COBL: variants seen among roughly 807,000 people sequenced by gnomAD.
The protein encoded by COBL is protein cordon-bleu.
A neutral mutation model predicts 98.8 loss-of-function variants in COBL; 51 were observed. The observed-to-expected ratio is 0.52, with a 90% CI of 0.41 to 0.65. The LOEUF (loss-of-function observed/expected upper bound fraction) is 0.65. COBL is among the 30% of genes least tolerant of loss of function. The pLI, the probability that COBL is intolerant of heterozygous loss-of-function variation, is 0.00. For missense variants in COBL, 1,617 were observed against 1,617.5 expected (o/e 1.00, Z 0.01); for synonymous variants, 634 against 651.7 (o/e 0.97, Z 0.41).
chr7:51,270,377 C>T (rs1798643989), intron 1 of COBL, among the ~76,000 whole-genome samples: 2 of 152,190 alleles, frequency 1.3e-5, no homozygotes, highest in African/African-American at 2.4e-5. Flanking sequence ...CCTGAATTTC[C>T]TCAATATGCT....
chr7:51,058,830 C>T (rs1280098791), intron 7 of COBL, among the ~76,000 whole-genome samples: 1 of 152,244 alleles, frequency 6.6e-6, no homozygotes, highest in Non-Finnish European at 1.5e-5. Flanking sequence ...CATCTGTTTT[C>T]AGCCTACAGG....
intron 2 of COBL, among the ~76,000 whole-genome samples, chr7:51,203,461 C>CAAAAAA (rs1165738166): frequency 2.5e-4 from 3 of 12,050 alleles, no homozygotes; most frequent in African/African-American, 4.6e-4. Context: ...GACTCCGTCT[C>CAAAAAA]AAAAAAAAAA....
chr7:51,140,816 T>C (rs950781843), intron 5 of COBL, among the ~76,000 whole-genome samples: 6 of 152,090 alleles, frequency 3.9e-5, no homozygotes, highest in African/African-American at 1.4e-4. Flanking sequence ...GAACACGTTG[T>C]CTCCCTCGCT....
intron 5 of COBL, among the ~76,000 whole-genome samples, chr7:51,136,862 AGACTGTCTAG>A (rs1799284974): frequency 6.6e-6 from 1 of 152,196 alleles, no homozygotes; most frequent in African/African-American, 2.4e-5. Context: ...TATGCTGTGA[AGACTGTCTAG>A]GACCATCAGT....
chr7:51,048,972 A>C (rs771843511), intron 7 of COBL, among the ~76,000 whole-genome samples: 94 of 152,328 alleles, frequency 6.2e-4, no homozygotes, highest in Non-Finnish European at 8.2e-4. Context: ...TATAAGCACT[A>C]GGCAAAGCTT....
chr7:51,087,836 C>T (rs1794429684), intron 6 of COBL, among the ~76,000 whole-genome samples: 1 of 144,118 alleles, frequency 6.9e-6, no homozygotes, highest in African/African-American at 2.6e-5. Context: ...TTTCCAGCAA[C>T]TTTCTGACAC....
At chr7:51,069,745 A>C (rs1433556637) in intron 7 of COBL, among the ~76,000 whole-genome samples, 2 of 152,250 alleles carry the variant, frequency 1.3e-5, no homozygotes, top group African/African-American at 4.8e-5. Context: ...TTATTCACAC[A>C]AAACATACAA....
intron 1 of COBL, among the ~76,000 whole-genome samples, chr7:51,253,658 T>C (rs1288875930): frequency 1.3e-5 from 2 of 152,278 alleles, no homozygotes; most frequent in Non-Finnish European, 2.9e-5. Context: ...CATTGTATTT[T>C]ATTTTTTGTA....
At chr7:51,102,924 G>C (rs952801627) in intron 6 of COBL, among the ~76,000 whole-genome samples, 4 of 152,188 alleles carry the variant, frequency 2.6e-5, no homozygotes, top group Non-Finnish European at 5.9e-5. Context: ...AATGGGAGTT[G>C]CTGTTGAAGG....
chr7:51,220,167 A>C (rs922618940), intron 1 of COBL, among the ~76,000 whole-genome samples: 4 of 152,172 alleles, frequency 2.6e-5, no homozygotes, highest in Non-Finnish European at 4.4e-5. Flanking sequence ...CACCTTAAAA[A>C]CATGCTTGCT....
chr7:51,184,144 T>C lies in COBL; in HGVS notation c.741A>G (p.Lys247=). 1 of 1,569,240 alleles carries C rather than the reference T, an allele frequency of 6.4e-7. No individual in the cohort carries two copies. Among genetic ancestry groups the C allele is most frequent in the South Asian group, 1.2e-5 (1 of 83,780 alleles). Reference sequence around the variant, plus strand: ...TATTAACTTTGAAAAATCCCAGAAATTTTTTCTTCTCTTTATCTGTCTCAT... The same window carrying C: ...TATTAACTTTGAAAAATCCCAGAAACTTTTTCTTCTCTTTATCTGTCTCAT... ...GNDETDKEKK[K]FLGFFKVNKR... The change falls in exon 5 of 13, where the codon AAA becomes AAG. Residue 247 remains lysine, a synonymous_variant. Coordinates refer to ENST00000265136, the MANE Select transcript of COBL (RefSeq NM_015198.5).
Position 51,029,293 on chromosome 7 carries a change from G to C in COBL, c.1803C>G (p.His601Gln). The change falls in exon 10 of 13, where the codon CAC (histidine) becomes CAG (glutamine). Residue 601 changes from histidine to glutamine, a missense_variant. Transcript: ENST00000265136. ...EKAREEVPAL[H>Q]PASHDVGKGI... is the part of the protein sequence containing the mutation. ...CTTTTCCGACGTCATGGGAAGCGGG[G>C]TGCAGGGCAGGTACTTCCTCCCTTG... is the stretch of plus-strand genomic sequence containing the variant. The C allele has an allele frequency of 6.2e-7, 1 of 1,604,338 alleles. No individual in the cohort carries two copies. The highest frequency in any genetic ancestry group is 8.5e-7 in the Non-Finnish European group (1 of 1,174,442).
chr7:51,096,165 C>A (rs1795254272), intron 6 of COBL, among the ~76,000 whole-genome samples: 1 of 152,070 alleles, frequency 6.6e-6, no homozygotes, highest in African/African-American at 2.4e-5. Context: ...TATCAAATAT[C>A]TTTTCTGACT....
At chr7:51,150,043 A>C (rs986257076) in intron 5 of COBL, among the ~76,000 whole-genome samples, 2 of 152,180 alleles carry the variant, frequency 1.3e-5, no homozygotes, top group African/African-American at 4.8e-5. Context: ...CCAGGCATGC[A>C]TGCACAAGTT....
chr7:51,240,050 T>C (rs1013400858), intron 1 of COBL, among the ~76,000 whole-genome samples: 1 of 152,224 alleles, frequency 6.6e-6, no homozygotes, highest in African/African-American at 2.4e-5. Flanking sequence ...TTTTATATAT[T>C]ACAAAATATT....
At position 51,316,599 on chromosome 7, in the gene COBL, G is replaced by C. The variant is rs1422252021; in HGVS notation, c.35C>G (p.Pro12Arg). 5 of 1,205,424 alleles carry C rather than the reference G, an allele frequency of 4.1e-6. No individual in the cohort carries two copies. The highest frequency in any genetic ancestry group is 3.2e-5 in the African/African-American group (2 of 63,044). 74.7% of individuals were successfully genotyped at this position (1,205,424 alleles called of 1,614,324 possible). A position where few individuals can be genotyped will look rare whatever the true frequency, so the allele number is the denominator to read the frequency against. ...CGACCGCGGGGCCGCTTACCCGGTC[G>C]GGGGCTTGGCCGCCGAGGCGCGCGG... Reference protein sequence around the residue: ...DAPRASAAKPPTGRKMKARAP... With the variant: ...DAPRASAAKPRTGRKMKARAP... The change falls in exon 1 of 13, where the codon CCG (proline) becomes CGG (arginine). Residue 12 changes from proline (P) to arginine (R), a missense_variant. By Grantham distance (103) the Pro-to-Arg change is moderately radical. This residue lies in a region of COBL where 238 missense variants were observed against 215.0 expected (regional missense o/e 1.11). Coordinates refer to ENST00000265136, the MANE Select transcript of COBL (RefSeq NM_015198.5).
chr7:51,230,510 G>A (rs1001191799), intron 1 of COBL, among the ~76,000 whole-genome samples: 6 of 151,954 alleles, frequency 3.9e-5, no homozygotes, highest in Non-Finnish European at 8.8e-5. Context: ...ACTTCCTGCT[G>A]GCCCCTTCCC....
intron 5 of COBL, among the ~76,000 whole-genome samples, chr7:51,168,121 A>C (rs922759306): frequency 6.6e-6 from 1 of 152,214 alleles, no homozygotes; most frequent in Non-Finnish European, 1.5e-5. Context: ...CAAAATGAAG[A>C]GACAACCCAG....
chr7:51,129,758 C>T (rs1344919280), intron 6 of COBL, among the ~76,000 whole-genome samples: 1 of 152,058 alleles, frequency 6.6e-6, no homozygotes, highest in African/African-American at 2.4e-5. Flanking sequence ...TAGGGAGAGG[C>T]AGGTGAAAGG....
Sources: allele counts gnomAD v4.1 joint callset (sites outside exome capture counted in the v4.1 genomes callset), GRCh38; gene constraint gnomAD v4.1.1; regional missense constraint gnomAD v4.1.1; transcripts MANE v1.5; gene names NCBI Gene and HGNC (gene_info 2026-07-23, HGNC 2026-07-21).